KCNB2: variants seen among roughly 807,000 people sequenced by gnomAD.
The protein encoded by KCNB2 is potassium voltage-gated channel subfamily B member 2.
KCNB2 carries 15 observed loss-of-function variants against 61.5 expected under a neutral mutation model. The ratio of observed to expected loss-of-function variants is 0.24; its 90% CI spans 0.16 to 0.38. The LOEUF is 0.38. Ranked by LOEUF, KCNB2 falls within the 10% of genes least tolerant of loss-of-function variation. The pLI is 1.00. For missense variants in KCNB2, 828 were observed against 1,125.2 expected (o/e 0.74, Z 3.78); for synonymous variants, 457 against 446.0 (o/e 1.02, Z -0.31).
intron 2 of KCNB2, among the ~76,000 whole-genome samples, chr8:72,614,276 T>C (rs1210941984): frequency 6.6e-6 from 1 of 152,180 alleles, no homozygotes; most frequent in Non-Finnish European, 1.5e-5. Context: ...ATTTTATAGA[T>C]ACAGAAAGAT....
chr8:72,902,074 G>A (rs1806101419), intron 2 of KCNB2, among the ~76,000 whole-genome samples: 1 of 152,132 alleles, frequency 6.6e-6, no homozygotes, highest in Non-Finnish European at 1.5e-5. Context: ...CCTAACGTTA[G>A]TCAGCATGGT....
At chr8:72,552,729 G>T (rs1806363895) in intron 1 of KCNB2, among the ~76,000 whole-genome samples, 1 of 152,168 alleles carries the variant, frequency 6.6e-6, no homozygotes, top group African/African-American at 2.4e-5. Flanking sequence ...TCTTGTTTCT[G>T]TCCACTGGCA....
rs1054422376 is a variant in KCNB2 at position 72,768,296 on chromosome 8, C to G, written c.580-167639C>G. ...GGCTCAAGCAATCCTGCCTCACCCT[C>G]CTGAGTAGCTGGGACTACAGGCATG... On this transcript the variant is annotated intron_variant, in intron 2 of 2. Coordinates refer to ENST00000523207, the MANE Select transcript of KCNB2 (RefSeq NM_004770.3). Among the ~76,000 whole-genome samples the G allele has an allele frequency of 3.3e-5, 5 of 152,134 alleles. 1 individual carries two copies. The highest frequency in any genetic ancestry group is 3.3e-4 in the Admixed American group (5 of 15,282).
chr8:72,688,105 G>A (rs2252834), intron 2 of KCNB2, among the ~76,000 whole-genome samples: 40,286 of 152,074 alleles, frequency 0.26, 9,154 homozygotes, highest in African/African-American at 0.62. Context: ...GAGCACCGCT[G>A]TATTTGCAGC....
intron 2 of KCNB2, among the ~76,000 whole-genome samples, chr8:72,785,516 A>G (rs1473947821): frequency 6.6e-6 from 1 of 152,192 alleles, no homozygotes; most frequent in Non-Finnish European, 1.5e-5. Flanking sequence ...CAATTCAGAT[A>G]AAATCAGAAA....
At chr8:72,715,889 G>T (rs1252769198) in intron 2 of KCNB2, among the ~76,000 whole-genome samples, 2 of 152,102 alleles carry the variant, frequency 1.3e-5, no homozygotes, top group Non-Finnish European at 2.9e-5. Flanking sequence ...TTTTTGAAAA[G>T]ATCATCAAAA....
At chr8:72,854,274 A>T (rs918347760) in intron 2 of KCNB2, among the ~76,000 whole-genome samples, 4 of 152,186 alleles carry the variant, frequency 2.6e-5, no homozygotes, top group Admixed American at 6.5e-5. Flanking sequence ...TCACGTTCTT[A>T]CATACACACT....
intron 2 of KCNB2, among the ~76,000 whole-genome samples, chr8:72,917,081 C>A (rs1300099317): frequency 6.6e-6 from 1 of 152,198 alleles, no homozygotes; most frequent in Non-Finnish European, 1.5e-5. Flanking sequence ...CCACCCTCTT[C>A]CACCCAGAAT....
At chr8:72,765,502 G>T (rs1004288936) in intron 2 of KCNB2, among the ~76,000 whole-genome samples, 2 of 152,098 alleles carry the variant, frequency 1.3e-5, no homozygotes, top group African/African-American at 2.4e-5. Context: ...TCTCTGAGAG[G>T]CTCCTCAGTT....
At chr8:72,886,742 A>T (rs542033799) in intron 2 of KCNB2, among the ~76,000 whole-genome samples, 15 of 152,362 alleles carry the variant, frequency 9.8e-5, no homozygotes, top group Admixed American at 5.9e-4. Context: ...TCTTTCAGCC[A>T]AACAAAATAG....
At position 72,857,797 on chromosome 8, in the gene KCNB2, G is replaced by T. The variant is rs138018562; in HGVS notation, c.580-78138G>T. Among the ~76,000 whole-genome samples the T allele has an allele frequency of 4.4e-4, 67 of 152,282 alleles. No individual in the cohort carries two copies. In the East Asian group the frequency reaches 0.01, roughly 24 times the overall value. The stretch of plus-strand genomic sequence containing the variant: ...CTCATCAAAAACCTATTATTTTCAG[G>T]CTCTGTGCATATATTGTCTTATTTC... On this transcript the variant is annotated intron_variant, in intron 2 of 2. Transcript: ENST00000523207.
At chr8:72,552,304 TTGTCTAGACCAG>T (rs1205207818) in intron 1 of KCNB2, among the ~76,000 whole-genome samples, 1 of 152,222 alleles carries the variant, frequency 6.6e-6, no homozygotes, top group Admixed American at 6.5e-5. Context: ...CACAGGAAAG[TTGTCTAGACCAG>T]TGCTTCCCAA....
chr8:72,735,971 G>A (rs1472299466), intron 2 of KCNB2, among the ~76,000 whole-genome samples: 2 of 152,140 alleles, frequency 1.3e-5, no homozygotes, highest in Non-Finnish European at 2.9e-5. Context: ...ACTGCTTAGA[G>A]AATACGGTAT....
At chr8:72,716,255 C>T (rs1273323254) in intron 2 of KCNB2, among the ~76,000 whole-genome samples, 2 of 152,076 alleles carry the variant, frequency 1.3e-5, no homozygotes, top group South Asian at 2.1e-4. Flanking sequence ...TGGTACCATT[C>T]CTTCTGAAAC....
intron 2 of KCNB2, among the ~76,000 whole-genome samples, chr8:72,696,883 G>A (rs776270354): frequency 3.9e-5 from 6 of 152,224 alleles, no homozygotes; most frequent in Non-Finnish European, 7.4e-5. Context: ...AAACAAAAAA[G>A]AATGGCTCTG....
At chr8:72,565,663 A>AC (rs1806613493) in intron 1 of KCNB2, among the ~76,000 whole-genome samples, 1 of 93,856 alleles carries the variant, frequency 1.1e-5, no homozygotes, top group East Asian at 2.6e-4. Flanking sequence ...CACACACACA[A>AC]CACACACACA....
At chr8:72,743,319 C>G (rs537013079) in intron 2 of KCNB2, among the ~76,000 whole-genome samples, 2 of 152,304 alleles carry the variant, frequency 1.3e-5, no homozygotes, top group South Asian at 4.1e-4. Context: ...TGGCAATATT[C>G]TAGGCAGTTA....
chr8:72,871,135 TCCA>T (rs1461495045), intron 2 of KCNB2, among the ~76,000 whole-genome samples: 1 of 152,146 alleles, frequency 6.6e-6, no homozygotes, highest in Non-Finnish European at 1.5e-5. Context: ...TGTAATAATA[TCCA>T]CCTGCCAACC....
chr8:72,885,132 T>C (rs769618200), intron 2 of KCNB2, among the ~76,000 whole-genome samples: 16 of 152,138 alleles, frequency 1.1e-4, no homozygotes, highest in Non-Finnish European at 2.1e-4. Context: ...ATCTCCTTTA[T>C]AGTATATTCA....
Sources: gnomAD v4.1 joint callset for allele counts (sites outside exome capture counted in the v4.1 genomes callset) on GRCh38, gnomAD v4.1.1 for gene constraint, MANE v1.5 for transcripts, NCBI Gene and HGNC (gene_info 2026-07-23, HGNC 2026-07-21) for gene names.